CEP192: variants seen among roughly 807,000 people sequenced by gnomAD.
CEP192 encodes the protein centrosomal protein 192, also known as centrosomal protein of 192 kDa.
CEP192 carries 151 observed loss-of-function variants against 271.8 expected under a neutral mutation model. The observed-to-expected ratio is 0.56, with a 90% CI of 0.49 to 0.64. The LOEUF (loss-of-function observed/expected upper bound fraction) is 0.64, where lower values mean the gene tolerates loss of function less well. Ranked by LOEUF, CEP192 falls within the 30% of genes least tolerant of loss-of-function variation. CEP192 has a pLI of 0.00. For missense variants in CEP192, 2,910 were observed against 3,020.5 expected, an observed-to-expected ratio of 0.96 and a Z score of 0.86; for synonymous variants, 995 against 1,076.5, an observed-to-expected ratio of 0.92 and a Z score of 1.48.
chr18:13,016,754 GA>G (rs2034670249), intron 6 of CEP192, among the ~76,000 whole-genome samples: 1 of 152,084 alleles, frequency 6.6e-6, no homozygotes, highest in African/African-American at 2.4e-5. Context: ...TTACAGTGTT[GA>G]AAACTCCTAC....
At chr18:13,107,184 G>A (rs1254712356) in intron 40 of CEP192, among the ~76,000 whole-genome samples, 2 of 152,170 alleles carry the variant, frequency 1.3e-5, no homozygotes, top group African/African-American at 2.4e-5. Context: ...ATACAATCAG[G>A]TAGCAAAGTT....
At chr18:12,991,964 G>C (rs1475370039) in intron 1 of CEP192, among the ~76,000 whole-genome samples, 1 of 152,164 alleles carries the variant, frequency 6.6e-6, no homozygotes, top group East Asian at 1.9e-4. Context: ...TTTGGTTTCT[G>C]CTAGGTTGCG....
chr18:13,014,040 A>G (rs2034508184), intron 5 of CEP192, among the ~76,000 whole-genome samples: 1 of 152,222 alleles, frequency 6.6e-6, no homozygotes. Context: ...TTGTGCTACA[A>G]CAGCAGAATT....
At chr18:13,051,597 G>A (rs987325557) in intron 17 of CEP192, among the ~76,000 whole-genome samples, 11 of 152,130 alleles carry the variant, frequency 7.2e-5, no homozygotes, top group African/African-American at 1.9e-4. Flanking sequence ...AGGCTGGAGT[G>A]CAGTGGTGCA....
At position 13,001,522 on chromosome 18, in the gene CEP192, C is replaced by T. The variant is rs1461504811; in HGVS notation, c.230C>T (p.Pro77Leu). 2.6e-6 allele frequency: 4 copies of T among 1,551,084 alleles called. No individual in the cohort carries two copies. The highest frequency in any genetic ancestry group is 3.5e-6 in the Non-Finnish European group (4 of 1,146,776). The change falls in exon 3 of 45, where the codon CCC (proline) becomes CTC (leucine). Residue 77 changes from proline to leucine, a missense_variant. Pro to Leu is a moderately conservative substitution (Grantham distance 98). Coordinates refer to ENST00000506447, the MANE Select transcript of CEP192 (RefSeq NM_032142.4). ...TTTTCAGTTCCATCCGGGTCATCTC[C>T]CGGAAGCCAGAGTGATGCTGAACCA... ...GRFSVPSGSS[P>L]GSQSDAEPRE... is the part of the protein sequence containing the mutation.
At chr18:13,058,627 G>A (rs1598474577) in intron 20 of CEP192, 1 of 165,172 alleles carries the variant, frequency 6.1e-6, no homozygotes, top group Non-Finnish European at 1.3e-5. Flanking sequence ...TAGAAAAGAA[G>A]ATCCCCATTG....
At chr18:13,067,776 G>A (rs2037788543) in intron 21 of CEP192, 55 bp from the exon 22 acceptor site, 1 of 1,469,626 alleles carries the variant, frequency 6.8e-7, no homozygotes, top group African/African-American at 1.4e-5. Flanking sequence ...GAACATACAT[G>A]TTGTGCTATT....
intron 3 of CEP192, among the ~76,000 whole-genome samples, chr18:13,004,078 G>A: frequency 6.6e-6 from 1 of 152,190 alleles, no homozygotes; most frequent in East Asian, 1.9e-4. Flanking sequence ...TGAGGGCAAA[G>A]AATTGACCCT....
chr18:13,049,358 A>G lies in CEP192; in HGVS notation c.2567A>G (p.Glu856Gly). ...YVENGESENQ[E>G]SFRTINSSNS... Reference sequence around the variant, plus strand: ...GAAAATGGAGAGAGTGAGAATCAAGAGTCATTTAGAACCATAAACTCCTCA... The same window carrying G: ...GAAAATGGAGAGAGTGAGAATCAAGGGTCATTTAGAACCATAAACTCCTCA... The change falls in exon 16 of 45, where the codon GAG becomes GGG. Residue 856 changes from glutamate to glycine, a missense_variant. Glu to Gly is a moderately conservative substitution (Grantham distance 98, BLOSUM62 -2). Transcript: ENST00000506447. 2 of 1,614,132 alleles carry G rather than the reference A, an allele frequency of 1.2e-6. No individual in the cohort carries two copies. Among genetic ancestry groups the G allele is most frequent in the Non-Finnish European group, 1.7e-6 (2 of 1,179,982 alleles).
chr18:13,003,782 A>G (rs2033808198), intron 3 of CEP192, among the ~76,000 whole-genome samples: 1 of 152,304 alleles, frequency 6.6e-6, no homozygotes, highest in Non-Finnish European at 1.5e-5. Flanking sequence ...TCTGGGTGAC[A>G]GAGTGAGACC....
Position 13,072,812 on chromosome 18 carries a change from G to C in CEP192, c.5406G>C (p.Leu1802=). ...NSASTTQHLR[L]LIRGQDQDCF... is the part of the protein sequence containing the mutation. ...CATCTACAACTCAACATTTACGACTGCTTATTAGAGGACAAGATCAGGACT... is the reference window on the plus strand; with the variant it reads ...CATCTACAACTCAACATTTACGACTCCTTATTAGAGGACAAGATCAGGACT... The change falls in exon 29 of 45, where the codon CTG becomes CTC. Residue 1802 remains leucine (L), a synonymous_variant. Transcript: ENST00000506447. 6.2e-7 allele frequency: 1 copy of C among 1,612,950 alleles called. No individual in the cohort carries two copies.
At position 13,113,336 on chromosome 18, in the gene CEP192, A is replaced by AG. The variant is rs552822420; in HGVS notation, c.7048-249dup. Among the ~76,000 whole-genome samples, 29 of 152,336 alleles carry AG rather than the reference A, an allele frequency of 1.9e-4. No homozygotes were observed. The South Asian group carries it at 5.2e-3, about 27-fold the overall frequency. On this transcript the variant is annotated intron_variant, in intron 40 of 44. Coordinates refer to ENST00000506447, the MANE Select transcript of CEP192 (RefSeq NM_032142.4). ...GCTTTCTGATAACATTTCCCCCCAC[A>AG]GTAAAGCATTTATTGTACATTTTAA...
chr18:13,004,761 G>A (rs564494696), intron 3 of CEP192, among the ~76,000 whole-genome samples: 19 of 152,346 alleles, frequency 1.2e-4, no homozygotes, highest in Admixed American at 5.2e-4. Context: ...AGGGCCGTGG[G>A]CGTGACTGTT....
At chr18:13,019,557 C>T (rs773770875) in intron 9 of CEP192, among the ~76,000 whole-genome samples, 1 of 152,232 alleles carries the variant, frequency 6.6e-6, no homozygotes, top group East Asian at 1.9e-4. Flanking sequence ...CCCCGTTTCT[C>T]CTGTGCCTGA....
At position 13,017,857 on chromosome 18, in the gene CEP192, A is replaced by G. The variant is rs141837314; in HGVS notation, c.789+521A>G. Among the ~76,000 whole-genome samples, 5 of 152,326 alleles carry G rather than the reference A, an allele frequency of 3.3e-5. No individual in the cohort carries two copies. In the East Asian group the frequency reaches 9.6e-4, roughly 29 times the overall value. The stretch of plus-strand genomic sequence containing the variant: ...TTTTTTATCTACAATTTAATCAAAG[A>G]TTAACCTTGCCTTTGGTTGTCCTGT... On this transcript the variant is annotated intron_variant, in intron 7 of 44. Coordinates refer to ENST00000506447, the MANE Select transcript of CEP192 (RefSeq NM_032142.4).
At chr18:13,037,213 T>C in intron 11 of CEP192, 24 bp from the exon 12 acceptor site, 1 of 1,004,586 alleles carries the variant, frequency 1.0e-6, no homozygotes, top group Non-Finnish European at 1.5e-6. Flanking sequence ...GTGTAATGTA[T>C]TTATATAAAC....
chr18:13,077,418 C>T (rs1254857019), intron 30 of CEP192, among the ~76,000 whole-genome samples: 1 of 152,102 alleles, frequency 6.6e-6, no homozygotes, highest in Middle Eastern at 3.2e-3. Flanking sequence ...TCTAGAACAC[C>T]TCTGGTCCCA....
intron 15 of CEP192, 60 bp downstream of exon 15, chr18:13,042,394 T>A: frequency 6.4e-7 from 1 of 1,556,448 alleles, no homozygotes; most frequent in South Asian, 1.1e-5. Flanking sequence ...TTATCTAGGA[T>A]CAAGACGAGA....
At chr18:13,078,367 A>T (rs1221672341) in intron 30 of CEP192, among the ~76,000 whole-genome samples, 1 of 152,100 alleles carries the variant, frequency 6.6e-6, no homozygotes, top group Non-Finnish European at 1.5e-5. Flanking sequence ...AGTCTTTGCT[A>T]TTGTGAACAG....
Sources: allele counts gnomAD v4.1 joint callset (sites outside exome capture counted in the v4.1 genomes callset), GRCh38; gene constraint gnomAD v4.1.1; transcripts MANE v1.5; gene names NCBI Gene and HGNC (gene_info 2026-07-23, HGNC 2026-07-21).